POPDC1: variants seen among roughly 807,000 people sequenced by gnomAD.
The protein encoded by POPDC1 is popeye domain-containing protein 1.
chr6:105,116,820 C>G, the POPDC1 span: 1 of 1,612,212 alleles, frequency 6.2e-7, no homozygotes. Flanking sequence ...GTTAATCTTT[C>G]TCTTGACCAG....
the POPDC1 span, among the ~76,000 whole-genome samples, chr6:105,135,441 T>A: frequency 1.3e-5 from 2 of 152,188 alleles, no homozygotes; most frequent in African/African-American, 4.8e-5. Flanking sequence ...AAAACTTTAA[T>A]AGCCTATGGT....
the POPDC1 span, among the ~76,000 whole-genome samples, chr6:105,123,054 C>G: frequency 6.6e-6 from 1 of 152,188 alleles, no homozygotes. Context: ...GTTCTTTTAT[C>G]TCCAATTTTG....
the POPDC1 span, chr6:105,116,946 G>A: frequency 7.3e-7 from 1 of 1,370,766 alleles, no homozygotes; most frequent in Non-Finnish European, 9.9e-7. Context: ...TAGAAAACTA[G>A]GAATGATTTA....
chr6:105,123,862 C>T, the POPDC1 span, among the ~76,000 whole-genome samples: 2 of 152,228 alleles, frequency 1.3e-5, no homozygotes, highest in African/African-American at 4.8e-5. Context: ...TAAGGCAAAG[C>T]CAGTTTTCTG....
At chr6:105,123,517 C>T in the POPDC1 span, among the ~76,000 whole-genome samples, 4 of 152,132 alleles carry the variant, frequency 2.6e-5, no homozygotes, top group Non-Finnish European at 4.4e-5. Context: ...TCTCCTGCCT[C>T]AGCCTCCCGA....
chr6:105,135,404 C>G, the POPDC1 span, among the ~76,000 whole-genome samples: 3 of 152,282 alleles, frequency 2.0e-5, no homozygotes, highest in Admixed American at 6.5e-5. Flanking sequence ...TTCTGCTCCT[C>G]GGGTCTGTTT....
the POPDC1 span, among the ~76,000 whole-genome samples, chr6:105,127,137 C>T: frequency 6.6e-6 from 1 of 152,146 alleles, no homozygotes; most frequent in African/African-American, 2.4e-5. Flanking sequence ...CTGCTCCAAC[C>T]AATGTCACTA....
chr6:105,137,117 G>C, the POPDC1 span: 1 of 151,874 alleles, frequency 6.6e-6, no homozygotes, highest in Non-Finnish European at 1.5e-5. Context: ...CGGAAGCTCC[G>C]CTGCCCGGGC....
At chr6:105,114,636 A>G in the POPDC1 span, among the ~76,000 whole-genome samples, 2 of 152,182 alleles carry the variant, frequency 1.3e-5, no homozygotes, top group African/African-American at 4.8e-5. Context: ...GAATTTGTTC[A>G]AAGTTTTTAT....
chr6:105,114,668 C>T, the POPDC1 span, among the ~76,000 whole-genome samples: 7 of 152,176 alleles, frequency 4.6e-5, no homozygotes, highest in Non-Finnish European at 8.8e-5. Context: ...TAGAATAATT[C>T]TTAAAGTATT....
chr6:105,126,789 A>G, the POPDC1 span, among the ~76,000 whole-genome samples: 24 of 152,242 alleles, frequency 1.6e-4, no homozygotes, highest in Non-Finnish European at 3.2e-4. Context: ...ACAAATATGC[A>G]CAGCTGCAAT....
chr6:105,126,680 A>T, the POPDC1 span, among the ~76,000 whole-genome samples: 1 of 152,328 alleles, frequency 6.6e-6, no homozygotes, highest in East Asian at 1.9e-4. Flanking sequence ...AAGAAAATAA[A>T]CACAAAATAG....
chr6:105,123,674 G>C, the POPDC1 span, among the ~76,000 whole-genome samples: 1 of 152,086 alleles, frequency 6.6e-6, no homozygotes, highest in South Asian at 2.1e-4. Context: ...TTACAGGTGT[G>C]AGCCACCGTG....
chr6:105,108,813 T>C, the POPDC1 span, among the ~76,000 whole-genome samples: 1 of 152,236 alleles, frequency 6.6e-6, no homozygotes, highest in Non-Finnish European at 1.5e-5. Flanking sequence ...TTATTTGTCT[T>C]AGACTTTGTG....
At chr6:105,128,577 G>A in the POPDC1 span, among the ~76,000 whole-genome samples, 1 of 152,090 alleles carries the variant, frequency 6.6e-6, no homozygotes, top group Non-Finnish European at 1.5e-5. Context: ...GAATATTACA[G>A]TAAAACAACA....
the POPDC1 span, chr6:105,125,427 G>A: frequency 1.2e-6 from 2 of 1,614,180 alleles, no homozygotes; most frequent in Non-Finnish European, 1.7e-6. Context: ...GTCATCAACT[G>A]AGGTTTTATC....
chr6:105,123,386 C>T, the POPDC1 span, among the ~76,000 whole-genome samples: 1 of 151,110 alleles, frequency 6.6e-6, no homozygotes, highest in African/African-American at 2.5e-5. Context: ...CATAATGGAG[C>T]AATTTGTTTT....
chr6:105,103,357 T>A, the POPDC1 span, among the ~76,000 whole-genome samples: 2 of 152,174 alleles, frequency 1.3e-5, no homozygotes, highest in African/African-American at 4.8e-5. Flanking sequence ...AGAAAATTTG[T>A]TAAAATTCAT....
chr6:105,135,101 G>A, the POPDC1 span, among the ~76,000 whole-genome samples: 1 of 152,116 alleles, frequency 6.6e-6, no homozygotes, highest in South Asian at 2.1e-4. Context: ...CTATCATTTC[G>A]ACAGCACTGT....
Sources: allele counts gnomAD v4.1 joint callset (sites outside exome capture counted in the v4.1 genomes callset), GRCh38; gene constraint gnomAD v4.1.1; transcripts MANE v1.5; gene names NCBI Gene and HGNC (gene_info 2026-07-23, HGNC 2026-07-21).